The following AK9 variants were observed in gnomAD, a reference collection of about 807,000 sequenced individuals.
The protein encoded by AK9 is adenylate kinase domain containing 1.
A neutral mutation model predicts 239.6 loss-of-function variants in AK9; 191 were observed. That is an observed-to-expected ratio of 0.80 (90% CI 0.71 to 0.90). The LOEUF is 0.90. Ranked by LOEUF, AK9 falls within the 40% of genes least tolerant of loss-of-function variation. The pLI, the probability that AK9 is intolerant of heterozygous loss-of-function variation, is 0.00. For synonymous variants in AK9, 689 were observed against 721.0 expected (o/e 0.96, Z 0.71); for missense variants, 1,995 against 2,214.7 (o/e 0.90, Z 1.99).
intron 20 of AK9, among the ~76,000 whole-genome samples, chr6:109,575,947 T>G (rs1788016614): frequency 6.6e-6 from 1 of 151,894 alleles, no homozygotes; most frequent in South Asian, 2.1e-4. Flanking sequence ...GTTTTGTTTG[T>G]TTGTTTTTTT....
At chr6:109,546,167 G>T in intron 25 of AK9, 40 bp from the exon 26 acceptor site, 1 of 1,513,912 alleles carries the variant, frequency 6.6e-7, no homozygotes, top group Non-Finnish European at 8.9e-7. Context: ...GGGATAAAGG[G>T]AGAGTGAAGG....
At chr6:109,528,409 C>A in intron 29 of AK9, 1 of 376,236 alleles carries the variant, frequency 2.7e-6, no homozygotes, top group South Asian at 2.0e-5. Context: ...AGACACAAAG[C>A]TCAATTAATG....
At chr6:109,689,298 T>C (rs964812721) in intron 1 of AK9, among the ~76,000 whole-genome samples, 21 of 152,332 alleles carry the variant, frequency 1.4e-4, no homozygotes, top group Middle Eastern at 6.8e-3. Flanking sequence ...ATACGAGTGC[T>C]GCAAAGGGTG....
chr6:109,689,843 T>C (rs774646585), intron 1 of AK9, among the ~76,000 whole-genome samples: 11 of 152,324 alleles, frequency 7.2e-5, no homozygotes, highest in South Asian at 4.1e-4. Flanking sequence ...ATAAAAACAC[T>C]GTGCAAACAT....
At chr6:109,661,463 A>G (rs1384498525) in intron 6 of AK9, among the ~76,000 whole-genome samples, 1 of 152,208 alleles carries the variant, frequency 6.6e-6, no homozygotes, top group Non-Finnish European at 1.5e-5. Context: ...TCTGGCCTGC[A>G]CAACTGTGTG....
intron 21 of AK9, among the ~76,000 whole-genome samples, chr6:109,567,994 A>ATC (rs1433649736): frequency 6.6e-6 from 1 of 152,160 alleles, no homozygotes; most frequent in Admixed American, 6.6e-5. Context: ...ATTTTAGACC[A>ATC]ATGTCCCTGA....
chr6:109,584,572 A>C (rs963213571), intron 19 of AK9, among the ~76,000 whole-genome samples: 1 of 152,136 alleles, frequency 6.6e-6, no homozygotes, highest in African/African-American at 2.4e-5. Context: ...ATTAAAGTTT[A>C]GTATTGACCC....
chr6:109,658,615 C>T (rs932269657), intron 7 of AK9, among the ~76,000 whole-genome samples: 2 of 152,012 alleles, frequency 1.3e-5, no homozygotes, highest in Non-Finnish European at 2.9e-5. Context: ...TAGAACATGT[C>T]ATTCTCAGAA....
chr6:109,599,400 T>C (rs1254231877), intron 17 of AK9, among the ~76,000 whole-genome samples: 1 of 152,222 alleles, frequency 6.6e-6, no homozygotes, highest in Non-Finnish European at 1.5e-5. Flanking sequence ...TGTGGTATTA[T>C]TTCTGAGGGC....
chr6:109,636,208 C>T (rs972079342), intron 10 of AK9, among the ~76,000 whole-genome samples: 1 of 152,098 alleles, frequency 6.6e-6, no homozygotes, highest in African/African-American at 2.4e-5. Flanking sequence ...CCTCATCTAC[C>T]TGCACAGCCC....
chr6:109,514,225 T>G lies in AK9; in HGVS notation c.4278A>C (p.Thr1426=). 6.5e-7 allele frequency: 1 copy of G among 1,549,848 alleles called. No homozygotes were observed. Among genetic ancestry groups the G allele is most frequent in the Non-Finnish European group, 8.7e-7 (1 of 1,146,134 alleles). ...AAACAAAGGCAAACATACGCTCACC[T>G]GTAGTTTTCCCAGATTTTGGAGGCC... is the stretch of plus-strand genomic sequence containing the variant. ...IVGPPKSGKT[T]VAKKITSEYG... is the part of the protein sequence containing the mutation. The change falls in exon 32 of 41, where the codon ACA becomes ACC. Residue 1426 remains threonine (T), a splice_region_variant and synonymous_variant. Coordinates refer to ENST00000424296, the MANE Select transcript of AK9 (RefSeq NM_001145128.3).
intron 29 of AK9, among the ~76,000 whole-genome samples, chr6:109,526,941 G>A (rs1780596174): frequency 6.6e-6 from 1 of 152,126 alleles, no homozygotes; most frequent in South Asian, 2.1e-4. Context: ...ACCTCATGTG[G>A]ACCCTGACTT....
At chr6:109,687,239 G>A (rs1773637256) in intron 1 of AK9, among the ~76,000 whole-genome samples, 1 of 152,108 alleles carries the variant, frequency 6.6e-6, no homozygotes, top group Non-Finnish European at 1.5e-5. Flanking sequence ...GGGCCTAGAA[G>A]GTACAAGATC....
At chr6:109,621,913 CAAA>C (rs758683676) in intron 12 of AK9, among the ~76,000 whole-genome samples, 1 of 70,282 alleles carries the variant, frequency 1.4e-5, no homozygotes, top group East Asian at 3.7e-4. Flanking sequence ...AAAAAAAAAA[CAAA>C]AAAAAAACAG....
chr6:109,662,633 G>C lies in AK9; in HGVS notation c.362C>G (p.Ser121Ter). The C allele has an allele frequency of 2.5e-6, 4 of 1,577,830 alleles. No homozygotes were observed. Among genetic ancestry groups the C allele is most frequent in the Non-Finnish European group, 3.4e-6 (4 of 1,161,570 alleles). Residue 121 changes from serine (S) to a stop codon, truncating the protein, a stop_gained, in exon 6 of 41, where the codon TCA becomes TGA. Transcript: ENST00000424296. LOFTEE classifies it high-confidence loss of function. Reference sequence around the variant, plus strand: ...CTGTAAGGTAGTCATGGCATCCTGTGAAAGTGATGGTATTTCAGTGATAAT... The same window carrying C: ...CTGTAAGGTAGTCATGGCATCCTGTCAAAGTGATGGTATTTCAGTGATAAT... Reference protein sequence around the residue: ...GYIITEIPSLSQDAMTTLQQI... With the variant: ...GYIITEIPSL
At chr6:109,597,227 G>C (rs1175339387) in intron 17 of AK9, among the ~76,000 whole-genome samples, 1 of 152,084 alleles carries the variant, frequency 6.6e-6, no homozygotes, top group Non-Finnish European at 1.5e-5. Context: ...AAAAGCATCT[G>C]TATCAATTTT....
At chr6:109,625,052 G>A (rs1393836177) in intron 12 of AK9, among the ~76,000 whole-genome samples, 2 of 151,406 alleles carry the variant, frequency 1.3e-5, no homozygotes, top group Admixed American at 6.6e-5. Context: ...TCCCTTTTCT[G>A]TTTCTAATAT....
intron 8 of AK9, among the ~76,000 whole-genome samples, chr6:109,646,278 G>A (rs573986378): frequency 3.9e-5 from 6 of 152,128 alleles, no homozygotes; most frequent in African/African-American, 1.2e-4. Flanking sequence ...TCAGAAGGTC[G>A]GTAATAACAA....
chr6:109,569,909 A>G (rs965265002), intron 21 of AK9, among the ~76,000 whole-genome samples: 1 of 152,196 alleles, frequency 6.6e-6, no homozygotes, highest in African/African-American at 2.4e-5. Flanking sequence ...ATACCATTTG[A>G]CCCAGCCATC....
Sources: allele counts gnomAD v4.1 joint callset (sites outside exome capture counted in the v4.1 genomes callset), GRCh38; gene constraint gnomAD v4.1.1; transcripts MANE v1.5; gene names NCBI Gene and HGNC (gene_info 2026-07-23, HGNC 2026-07-21).